The following CNBD1 variants were observed in gnomAD, a reference collection of about 807,000 sequenced individuals.
The protein encoded by CNBD1 is cyclic nucleotide-binding domain-containing protein 1.
A neutral mutation model predicts 54.4 loss-of-function variants in CNBD1; 71 were observed. That is an observed-to-expected ratio of 1.30 (90% CI 1.08 to 1.59). The LOEUF (loss-of-function observed/expected upper bound fraction) is 1.59. CNBD1 is among the 40% of genes most tolerant of loss of function. CNBD1 has a pLI of 0.00. For missense variants in CNBD1, 659 were observed against 518.0 expected, an observed-to-expected ratio of 1.27 and a Z score of -2.64; for synonymous variants, 182 against 170.7, an observed-to-expected ratio of 1.07 and a Z score of -0.51.
chr8:87,297,985 C>T (rs1035589487), intron 8 of CNBD1, among the ~76,000 whole-genome samples: 5 of 151,032 alleles, frequency 3.3e-5, no homozygotes, highest in African/African-American at 1.2e-4. Flanking sequence ...TATTAAGATC[C>T]TTATTAATAT....
In CNBD1 at chr8:87,357,445, C is replaced by A. The variant is rs151084992; in HGVS notation, c.1303+3659C>A. Among the ~76,000 whole-genome samples, 962 of 152,284 alleles carry A rather than the reference C, an allele frequency of 6.3e-3. 9 individuals are homozygous for A. The highest frequency in any genetic ancestry group is 0.022 in the African/African-American group (902 of 41,564). On this transcript the variant is annotated intron_variant, in intron 10 of 10. Coordinates refer to ENST00000518476, the MANE Select transcript of CNBD1 (RefSeq NM_173538.3). ...GGAACCCATCCCTTGCACCAGTGTACCCATAATTAGAGTCAACAGAGACGA... is the reference window on the plus strand; with the variant it reads ...GGAACCCATCCCTTGCACCAGTGTAACCATAATTAGAGTCAACAGAGACGA...
intron 6 of CNBD1, among the ~76,000 whole-genome samples, chr8:87,273,732 C>T (rs1808415681): frequency 6.6e-6 from 1 of 151,956 alleles, no homozygotes. Context: ...GTGTATAGCT[C>T]TTTAAAAGAT....
At position 87,377,927 on chromosome 8, in the gene CNBD1, G is replaced by GT. The variant is rs1422798525; in HGVS notation, c.1304-4687dup. Among the ~76,000 whole-genome samples, 5 of 149,380 alleles carry GT rather than the reference G, an allele frequency of 3.3e-5. No homozygotes were observed. The East Asian group carries it at 9.8e-4, about 29-fold the overall frequency. ...AGTGATGATGAGCATTTTTTCATGT[G>GT]TTTTTTGGCTGCATAAATGTCTTCT... On this transcript the variant is annotated intron_variant, in intron 10 of 10. Transcript: ENST00000518476.
At chr8:87,229,851 T>G (rs1814628932) in intron 5 of CNBD1, among the ~76,000 whole-genome samples, 1 of 152,248 alleles carries the variant, frequency 6.6e-6, no homozygotes, top group Non-Finnish European at 1.5e-5. Context: ...ATATGCCAAC[T>G]ATGTTAATTT....
At chr8:87,173,527 AT>A (rs1813135242) in intron 4 of CNBD1, among the ~76,000 whole-genome samples, 1 of 152,186 alleles carries the variant, frequency 6.6e-6, no homozygotes, top group Admixed American at 6.5e-5. Context: ...TTTCTCTGTC[AT>A]GTTTGAAGGA....
chr8:87,131,152 T>C (rs1463933450), intron 4 of CNBD1, among the ~76,000 whole-genome samples: 1 of 152,154 alleles, frequency 6.6e-6, no homozygotes, highest in Non-Finnish European at 1.5e-5. Flanking sequence ...CATTCCTAAT[T>C]GGAATCCTTA....
chr8:87,238,205 C>A (rs1169905588), intron 6 of CNBD1, among the ~76,000 whole-genome samples: 1 of 152,052 alleles, frequency 6.6e-6, no homozygotes, highest in African/African-American at 2.4e-5. Context: ...TTTTCAATTT[C>A]CTATCTTGGC....
chr8:87,230,326 C>T (rs907634574), intron 5 of CNBD1, among the ~76,000 whole-genome samples: 16 of 152,074 alleles, frequency 1.1e-4, no homozygotes, highest in African/African-American at 3.4e-4. Flanking sequence ...CAAACCATAT[C>T]GAATGGTAAG....
chr8:87,054,382 G>C (rs1254788063), intron 4 of CNBD1, among the ~76,000 whole-genome samples: 1 of 152,168 alleles, frequency 6.6e-6, no homozygotes, highest in Non-Finnish European at 1.5e-5. Context: ...AAAAGAGACA[G>C]CTTAATTAAT....
At chr8:87,354,676 G>A (rs566536509) in intron 10 of CNBD1, among the ~76,000 whole-genome samples, 21 of 151,726 alleles carry the variant, frequency 1.4e-4, no homozygotes, top group Non-Finnish European at 2.5e-4. Flanking sequence ...TTGTCCTTGT[G>A]ATAGTTTGCT....
At chr8:86,912,703 A>T (rs957387472) in intron 3 of CNBD1, among the ~76,000 whole-genome samples, 3 of 152,108 alleles carry the variant, frequency 2.0e-5, no homozygotes, top group Admixed American at 6.6e-5. Flanking sequence ...TATTCTATTT[A>T]TATTTTAAAA....
intron 8 of CNBD1, among the ~76,000 whole-genome samples, chr8:87,325,899 C>T (rs1428801456): frequency 4.6e-5 from 6 of 130,032 alleles, no homozygotes; most frequent in Admixed American, 1.5e-4. Flanking sequence ...TTCCTAGTCT[C>T]GATGGTCTTT....
intron 4 of CNBD1, among the ~76,000 whole-genome samples, chr8:87,202,242 A>G (rs953843357): frequency 2.0e-5 from 3 of 152,228 alleles, no homozygotes; most frequent in African/African-American, 7.2e-5. Flanking sequence ...TCTGGGGAGC[A>G]ATAGATAAGT....
At chr8:87,069,562 C>T (rs759725450) in intron 4 of CNBD1, among the ~76,000 whole-genome samples, 9 of 152,026 alleles carry the variant, frequency 5.9e-5, no homozygotes, top group South Asian at 2.1e-4. Flanking sequence ...TCTAGGTTTG[C>T]GTAAGGATAT....
At chr8:87,423,745 GT>G (rs1807988754) in intron 2 of CNBD1, among the ~76,000 whole-genome samples, 1 of 151,386 alleles carries the variant, frequency 6.6e-6, no homozygotes, top group African/African-American at 2.4e-5. Flanking sequence ...CTCTTTTTTG[GT>G]TGTGTCTCTG....
At position 87,369,188 on chromosome 8, in the gene CNBD1, G is replaced by A. The variant is rs185752196; in HGVS notation, c.1304-13432G>A. On this transcript the variant is annotated intron_variant, in intron 10 of 10. Coordinates refer to ENST00000518476, the MANE Select transcript of CNBD1 (RefSeq NM_173538.3). The stretch of plus-strand genomic sequence containing the variant: ...TAATAATGGCCTTCAATGTTCACAT[G>A]TATTTAGGAAGGAAACATATTTTTC... 1.5e-3 allele frequency among the ~76,000 whole-genome samples: 230 copies of A among 152,016 alleles called. 2 individuals are homozygous for A. Among genetic ancestry groups the A allele is most frequent in the East Asian group, 7.8e-4 (4 of 5,142 alleles).
At chr8:87,098,778 G>A (rs780912985) in intron 4 of CNBD1, among the ~76,000 whole-genome samples, 2 of 150,580 alleles carry the variant, frequency 1.3e-5, no homozygotes, top group African/African-American at 2.4e-5. Flanking sequence ...TGGCTCATGC[G>A]TGTAATCTCA....
intron 10 of CNBD1, among the ~76,000 whole-genome samples, chr8:87,354,770 T>G (rs979709927): frequency 6.6e-5 from 10 of 152,158 alleles, no homozygotes; most frequent in Non-Finnish European, 1.5e-4. Context: ...TATTCCATGG[T>G]GTATATGTGC....
At chr8:87,243,816 A>C (rs2130832338) in intron 6 of CNBD1, among the ~76,000 whole-genome samples, 1 of 152,338 alleles carries the variant, frequency 6.6e-6, no homozygotes, top group East Asian at 1.9e-4. Flanking sequence ...ATATCAAAAC[A>C]AAAATACCAT....
Sources: gnomAD v4.1 joint callset for allele counts (sites outside exome capture counted in the v4.1 genomes callset) on GRCh38, gnomAD v4.1.1 for gene constraint, MANE v1.5 for transcripts, NCBI Gene and HGNC (gene_info 2026-07-23, HGNC 2026-07-21) for gene names.